FNDC3A: variants seen among roughly 807,000 people sequenced by gnomAD.
FNDC3A encodes the protein fibronectin type-III domain-containing protein 3A.
FNDC3A carries 32 observed loss-of-function variants against 148.9 expected under a neutral mutation model. The observed-to-expected ratio is 0.21, with a 90% CI of 0.16 to 0.29. The LOEUF (loss-of-function observed/expected upper bound fraction) is 0.29. FNDC3A is among the 10% of genes least tolerant of loss of function. The pLI is 1.00. For synonymous variants in FNDC3A, 472 were observed against 473.6 expected (o/e 1.00, Z 0.04); for missense variants, 1,191 against 1,452.8 (o/e 0.82, Z 2.93).
intron 15 of FNDC3A, 32 bp from the exon 16 acceptor site, chr13:49,187,090 C>T: frequency 6.6e-7 from 1 of 1,509,784 alleles, no homozygotes; most frequent in Non-Finnish European, 9.1e-7. Flanking sequence ...TGTTTTGTAC[C>T]TTGCCTAATA....
chr13:49,101,624 T>C (rs1168385757), intron 3 of FNDC3A, among the ~76,000 whole-genome samples: 1 of 152,154 alleles, frequency 6.6e-6, no homozygotes, highest in African/African-American at 2.4e-5. Flanking sequence ...AACTCTTCTT[T>C]TAATTTGCCT....
In FNDC3A at chr13:49,123,684, C is replaced by T. The variant is rs1054214827; in HGVS notation, c.253-7453C>T. The stretch of plus-strand genomic sequence containing the variant: ...AAAACCAACCCCATCAAAAAGTGGG[C>T]GAAGGATCTGAACAGACACTTCTCA... On this transcript the variant is annotated intron_variant, in intron 4 of 25. Coordinates refer to ENST00000492622, the MANE Select transcript of FNDC3A (RefSeq NM_001079673.2). 3.3e-5 allele frequency among the ~76,000 whole-genome samples: 5 copies of T among 150,558 alleles called. No individual in the cohort carries two copies. The East Asian group carries it at 5.8e-4, about 17-fold the overall frequency.
intron 2 of FNDC3A, chr13:49,046,772 A>G (rs1182241476): frequency 6.6e-6 from 1 of 152,192 alleles, no homozygotes; most frequent in Non-Finnish European, 1.5e-5. Flanking sequence ...TCATCACATA[A>G]TGAGTCTACC....
At chr13:49,064,129 T>C (rs1877090095) in intron 2 of FNDC3A, among the ~76,000 whole-genome samples, 1 of 151,748 alleles carries the variant, frequency 6.6e-6, no homozygotes, top group African/African-American at 2.4e-5. Context: ...GATCACGAGG[T>C]CAGGAGTTTG....
intron 2 of FNDC3A, among the ~76,000 whole-genome samples, chr13:49,024,807 T>C (rs1333119131): frequency 2.0e-5 from 3 of 151,940 alleles, no homozygotes; most frequent in Non-Finnish European, 2.9e-5. Context: ...CGAAAGCTTT[T>C]TCTCTAGGAA....
intron 4 of FNDC3A, among the ~76,000 whole-genome samples, chr13:49,117,678 A>C (rs1332162012): frequency 6.6e-6 from 1 of 152,236 alleles, no homozygotes; most frequent in Non-Finnish European, 1.5e-5. Context: ...ATAACTATTT[A>C]CACAGCATTT....
intron 1 of FNDC3A, among the ~76,000 whole-genome samples, chr13:49,003,248 TAGAGACAAGGTTTC>T (rs1278698184): frequency 1.3e-5 from 2 of 152,050 alleles, no homozygotes; most frequent in African/African-American, 4.8e-5. Flanking sequence ...GTATGTTTAG[TAGAGACAAGGTTTC>T]ACATGTTGGC....
chr13:49,127,296 TTTC>T (rs1374356522), intron 4 of FNDC3A, among the ~76,000 whole-genome samples: 1 of 152,238 alleles, frequency 6.6e-6, no homozygotes, highest in Admixed American at 6.5e-5. Flanking sequence ...AACATCAAAG[TTTC>T]TTGACTTCAC....
At chr13:49,049,045 C>CTTT (rs1485867827) in intron 2 of FNDC3A, among the ~76,000 whole-genome samples, 1 of 151,962 alleles carries the variant, frequency 6.6e-6, no homozygotes, top group African/African-American at 2.4e-5. Context: ...TTGTCAAATG[C>CTTT]TTTTTTTGCA....
intron 3 of FNDC3A, among the ~76,000 whole-genome samples, chr13:49,106,412 A>T (rs546492329): frequency 3.3e-5 from 5 of 152,244 alleles, no homozygotes; most frequent in African/African-American, 1.2e-4. Flanking sequence ...TCCTAGGCTC[A>T]AGCAAGATTC....
chr13:49,207,698 T>G lies in FNDC3A; in HGVS notation c.*303T>G. 1 of 261,500 alleles carries G rather than the reference T, an allele frequency of 3.8e-6. No individual in the cohort carries two copies. The highest frequency in any genetic ancestry group is 7.3e-6 in the Non-Finnish European group (1 of 136,134). The allele number at this position is 261,500 out of a possible 1,614,324, so 16.2% of individuals were successfully genotyped here. A position where few individuals can be genotyped will look rare whatever the true frequency, so the allele number is the denominator to read the frequency against. On this transcript the variant is annotated 3_prime_UTR_variant, in exon 26 of 26. Transcript: ENST00000492622. Reference sequence around the variant, plus strand: ...CTTTCTAAGAGGCAACAATTTAGAATGGATATTTTGACGAATCGGCATGAG... The same window carrying G: ...CTTTCTAAGAGGCAACAATTTAGAAGGGATATTTTGACGAATCGGCATGAG...
Position 49,136,381 on chromosome 13 carries a change from T to C in FNDC3A, c.540T>C (p.Ser180=), listed in dbSNP as rs764982022. The stretch of plus-strand genomic sequence containing the variant: ...CCAACTTTAGAGATGAACGATCTAG[T>C]AAAACATATGAACGTTTGCAGAAAA... ...GRSNFRDERS[S]KTYERLQKKL... Residue 180 remains serine, a synonymous_variant, in exon 6 of 26, where the codon AGT becomes AGC. Coordinates refer to ENST00000492622, the MANE Select transcript of FNDC3A (RefSeq NM_001079673.2). 6.2e-7 allele frequency: 1 copy of C among 1,614,110 alleles called. No individual in the cohort carries two copies. Among genetic ancestry groups the C allele is most frequent in the Non-Finnish European group, 8.5e-7 (1 of 1,179,974 alleles).
intron 2 of FNDC3A, among the ~76,000 whole-genome samples, chr13:49,071,348 A>G (rs191973292): frequency 2.6e-4 from 40 of 152,238 alleles, no homozygotes; most frequent in Non-Finnish European, 5.4e-4. Context: ...GGGAATACAA[A>G]TATCTCTTTG....
intron 3 of FNDC3A, among the ~76,000 whole-genome samples, chr13:49,089,769 G>A (rs533908817): frequency 2.6e-5 from 4 of 152,274 alleles, no homozygotes; most frequent in African/African-American, 4.8e-5. Flanking sequence ...ATGAGACCCC[G>A]AACAGAGAAG....
chr13:49,108,480 T>C (rs1276309469), intron 3 of FNDC3A, among the ~76,000 whole-genome samples: 5 of 152,110 alleles, frequency 3.3e-5, no homozygotes, highest in African/African-American at 1.2e-4. Context: ...TGGGGAAAGT[T>C]TTCTACAGGA....
At chr13:49,169,738 G>A (rs979017675) in intron 10 of FNDC3A, among the ~76,000 whole-genome samples, 3 of 152,186 alleles carry the variant, frequency 2.0e-5, no homozygotes, top group African/African-American at 7.2e-5. Flanking sequence ...TTTTAAAAAT[G>A]TGGGGCTTAC....
chr13:49,203,082 TAAGAC>T (rs1015135800), intron 24 of FNDC3A, 70 bp from the exon 25 acceptor site: 1 of 948,382 alleles, frequency 1.1e-6, no homozygotes, highest in Non-Finnish European at 1.6e-6. Context: ...TGATTTTTAT[TAAGAC>T]AAGTGTCTGC....
At position 49,136,529 on chromosome 13, in the gene FNDC3A, A is replaced by G. The variant is rs1438181927; in HGVS notation, c.688A>G (p.Ile230Val). ...GLIKGQIAGGINTGSAKIKSG... is the reference protein window; with the variant it reads ...GLIKGQIAGGVNTGSAKIKSG... ...TATAAAAGGACAAATTGCTGGTGGT[A>G]TAAACACAGGATCAGCAAAAATCAA... is the stretch of plus-strand genomic sequence containing the variant. Residue 230 changes from isoleucine (I) to valine (V), a missense_variant, in exon 6 of 26, where the codon ATA becomes GTA. Physicochemically the swap from Ile to Val is conservative, Grantham distance 29. This residue lies in a region of FNDC3A where 426 missense variants were observed against 473.2 expected (regional missense o/e 0.90). Coordinates refer to ENST00000492622, the MANE Select transcript of FNDC3A (RefSeq NM_001079673.2). 1 of 1,614,172 alleles carries G rather than the reference A, an allele frequency of 6.2e-7. No individual in the cohort carries two copies. Among genetic ancestry groups the G allele is most frequent in the Non-Finnish European group, 8.5e-7 (1 of 1,180,002 alleles).
chr13:49,185,858 ATT>A, intron 14 of FNDC3A, 104 bp from the exon 15 acceptor site: 1 of 835,826 alleles, frequency 1.2e-6, no homozygotes, highest in East Asian at 2.5e-5. Context: ...AAAAAAATGT[ATT>A]TTATCATTTG....
Sources: gnomAD v4.1 joint callset for allele counts (sites outside exome capture counted in the v4.1 genomes callset) on GRCh38, gnomAD v4.1.1 for gene constraint, gnomAD v4.1.1 regional missense constraint, MANE v1.5 for transcripts, NCBI Gene and HGNC (gene_info 2026-07-23, HGNC 2026-07-21) for gene names.